The following PRAMEF2 variants were observed in gnomAD, a reference collection of about 807,000 sequenced individuals.
PRAMEF2 encodes PRAME family member 2.
A neutral mutation model predicts 38.0 loss-of-function variants in PRAMEF2; 35 were observed. That is an observed-to-expected ratio of 0.92 (90% CI 0.70 to 1.22). The LOEUF (loss-of-function observed/expected upper bound fraction) is 1.22. Among genes scored for constraint, PRAMEF2 ranks in the 50% most tolerant of loss-of-function variants. PRAMEF2 has a pLI of 0.00. For synonymous variants in PRAMEF2, 240 were observed against 232.4 expected (o/e 1.03, Z -0.30); for missense variants, 562 against 553.9 (o/e 1.01, Z -0.15).
intron 1 of PRAMEF2, among the ~76,000 whole-genome samples, chr1:12,858,414 G>T (rs1640481076): frequency 6.7e-6 from 1 of 150,082 alleles, no homozygotes; most frequent in Admixed American, 6.9e-5. Flanking sequence ...GTAGGCCCAG[G>T]CTGTTCTCGA....
intron 1 of PRAMEF2, among the ~76,000 whole-genome samples, chr1:12,857,682 T>A (rs1640470611): frequency 2.1e-5 from 3 of 142,296 alleles, no homozygotes; most frequent in African/African-American, 8.2e-5. Context: ...AATAGCATGG[T>A]AGCACTTTTA....
chr1:12,860,304 C>G (rs1262584018), intron 3 of PRAMEF2, 33 bp downstream of exon 3: 4 of 1,603,764 alleles, frequency 2.5e-6, no homozygotes, highest in African/African-American at 1.3e-5. Context: ...GTATGCAGAC[C>G]ACAGCACAGA....
intron 2 of PRAMEF2, among the ~76,000 whole-genome samples, 184 bp downstream of exon 2, chr1:12,859,480 A>G (rs1640504162): frequency 6.6e-6 from 1 of 151,014 alleles, no homozygotes; most frequent in South Asian, 2.1e-4. Context: ...TACAGGGTCC[A>G]CTGTGGGAAC....
chr1:12,861,169 A>G, intron 3 of PRAMEF2, 52 bp from the exon 4 acceptor site: 2 of 1,563,626 alleles, frequency 1.3e-6, no homozygotes, highest in East Asian at 4.5e-5. Context: ...ATTCCCCACT[A>G]CCTTCATCTA....
intron 1 of PRAMEF2, among the ~76,000 whole-genome samples, chr1:12,858,628 T>A (rs1195014074): frequency 2.7e-5 from 4 of 150,068 alleles, no homozygotes; most frequent in African/African-American, 9.8e-5. Context: ...CACGGGACAC[T>A]CTCATTCTCA....
chr1:12,859,074 C>T lies in PRAMEF2; in HGVS notation c.65C>T (p.Ala22Val). The T allele has an allele frequency of 6.2e-7, 1 of 1,604,636 alleles. No individual in the cohort carries two copies. ...LAGQSLLRDQ[A>V]LSISAMEELP... is the part of the protein sequence containing the mutation. ...GGGCAGAGCCTGCTGAGAGACCAGGCCTTGTCCATCTCTGCCATGGAGGAG... is the reference window on the plus strand; with the variant it reads ...GGGCAGAGCCTGCTGAGAGACCAGGTCTTGTCCATCTCTGCCATGGAGGAG... The change falls in exon 2 of 4, where the codon GCC becomes GTC. Residue 22 changes from alanine to valine, a missense_variant. Ala to Val is a moderately conservative substitution (Grantham distance 64). This residue lies in a region of PRAMEF2 where 486 missense variants were observed against 444.2 expected (regional missense o/e 1.09). Coordinates refer to ENST00000240189, the MANE Select transcript of PRAMEF2 (RefSeq NM_023014.1).
In PRAMEF2 at chr1:12,859,812, A is replaced by C. The variant is rs1640512975; in HGVS notation, c.407A>C (p.Glu136Ala). The change falls in exon 3 of 4, where the codon GAG (glutamate) becomes GCG (alanine). Residue 136 changes from glutamate (E) to alanine (A), a missense_variant. Glu to Ala is a moderately radical substitution (Grantham distance 107). This residue lies in a region of PRAMEF2 where 486 missense variants were observed against 444.2 expected (regional missense o/e 1.09). Coordinates refer to ENST00000240189, the MANE Select transcript of PRAMEF2 (RefSeq NM_023014.1). The stretch of plus-strand genomic sequence containing the variant: ...GCCATGAGTAAGAGGCAGACAGCAG[A>C]GGACTGTCCAAGGACGGGAGAGCAC... The part of the protein sequence containing the change: ...PEAMSKRQTA[E>A]DCPRTGEHQP... 1.9e-6 allele frequency: 3 copies of C among 1,607,514 alleles called. No individual in the cohort carries two copies. The highest frequency in any genetic ancestry group is 2.5e-6 in the Non-Finnish European group (3 of 1,177,986).
In PRAMEF2 at chr1:12,861,584, G is replaced by T. The variant is rs1426561013; in HGVS notation, c.1230G>T (p.Glu410Asp). The T allele has an allele frequency of 6.2e-7, 1 of 1,604,638 alleles. No individual in the cohort carries two copies. The highest frequency in any genetic ancestry group is 1.4e-5 in the African/African-American group (1 of 73,920). ...HTSGLSKLSL[E>D]TYPAPEESLN... ...GTGGGCTGAGCAAGTTAAGCCTGGA[G>T]ACGTATCCTGCCCCTGAGGAGAGTT... The change falls in exon 4 of 4, where the codon GAG becomes GAT. Residue 410 changes from glutamate (E) to aspartate (D), a missense_variant. Physicochemically the swap from Glu to Asp is conservative, Grantham distance 45. Transcript: ENST00000240189.
chr1:12,859,297 G>A lies in PRAMEF2; in HGVS notation c.287+1G>A. On this transcript the variant is annotated splice_donor_variant, in intron 2 of 3. Coordinates refer to ENST00000240189, the MANE Select transcript of PRAMEF2 (RefSeq NM_023014.1). LOFTEE classifies it high-confidence loss of function. The stretch of plus-strand genomic sequence containing the variant: ...TGCTTACACAGAAGGATCGCCCCAG[G>A]TGAGGTGACCCAGGAGGGCTAGTAG... 1 of 1,609,468 alleles carries A rather than the reference G, an allele frequency of 6.2e-7. No individual in the cohort carries two copies. The highest frequency in any genetic ancestry group is 8.5e-7 in the Non-Finnish European group (1 of 1,178,512).
Position 12,860,134 on chromosome 1 carries a change from T to C in PRAMEF2, c.729T>C (p.His243=). The C allele has an allele frequency of 6.2e-7, 1 of 1,606,822 alleles. No individual in the cohort carries two copies. The highest frequency in any genetic ancestry group is 8.5e-7 in the Non-Finnish European group (1 of 1,176,510). ...GCAAACTCGTTTTCTCCAGGTGCCATCATTACACGTCAGATAATGAACTCG... is the reference window on the plus strand; with the variant it reads ...GCAAACTCGTTTTCTCCAGGTGCCACCATTACACGTCAGATAATGAACTCG... The part of the protein sequence containing the change: ...TLCKLVFSRC[H]HYTSDNELEG... The change falls in exon 3 of 4, where the codon CAT becomes CAC. Residue 243 remains histidine, a synonymous_variant. Transcript: ENST00000240189.
In PRAMEF2 at chr1:12,860,116, C is replaced by T. The variant is rs368856223; in HGVS notation, c.711C>T (p.Leu237=). The change falls in exon 3 of 4, where the codon CTC becomes CTT. Residue 237 remains leucine (L), a synonymous_variant. Transcript: ENST00000240189. ...AGGAGATGAAGACTCTTTGCAAACT[C>T]GTTTTCTCCAGGTGCCATCATTACA... The part of the protein sequence containing the change: ...YLKEMKTLCK[L]VFSRCHHYTS... The T allele has an allele frequency of 1.2e-5, 20 of 1,606,568 alleles. 1 individual carries two copies. The highest frequency in any genetic ancestry group is 4.5e-5 in the East Asian group (2 of 44,700).
At chr1:12,861,060 C>A (rs878872505) in intron 3 of PRAMEF2, among the ~76,000 whole-genome samples, 161 bp from the exon 4 acceptor site, 1 of 148,740 alleles carries the variant, frequency 6.7e-6, no homozygotes, top group Non-Finnish European at 1.5e-5. Context: ...AGCCCCTGAA[C>A]GATCAGGGTC....
At position 12,860,218 on chromosome 1, in the gene PRAMEF2, G is replaced by A. The variant is rs1446074832; in HGVS notation, c.813G>A (p.Leu271=). The A allele has an allele frequency of 5.0e-6, 8 of 1,606,846 alleles. 1 individual carries two copies. Among genetic ancestry groups the A allele is most frequent in the Non-Finnish European group, 6.8e-6 (8 of 1,176,666 alleles). The change falls in exon 3 of 4, where the codon TTG becomes TTA. Residue 271 remains leucine, a synonymous_variant. Transcript: ENST00000240189. ...TCCTCAGGCTGGAACACCTCCAGTT[G>A]CTTAAAATAAAATTGATCACCTTCT... ...SVFLRLEHLQ[L]LKIKLITFFS...
In PRAMEF2 at chr1:12,860,114, C is replaced by T. The variant is rs769089458; in HGVS notation, c.709C>T (p.Leu237Phe). 4.4e-6 allele frequency: 7 copies of T among 1,606,578 alleles called. 1 individual carries two copies. The highest frequency in any genetic ancestry group is 4.0e-5 in the African/African-American group (3 of 74,272). ...GAAGGAGATGAAGACTCTTTGCAAACTCGTTTTCTCCAGGTGCCATCATTA... is the reference window on the plus strand; with the variant it reads ...GAAGGAGATGAAGACTCTTTGCAAATTCGTTTTCTCCAGGTGCCATCATTA... Reference protein sequence around the residue: ...YLKEMKTLCKLVFSRCHHYTS... With the variant: ...YLKEMKTLCKFVFSRCHHYTS... The change falls in exon 3 of 4, where the codon CTC becomes TTC. Residue 237 changes from leucine (L) to phenylalanine (F), a missense_variant. Leu to Phe is a conservative substitution (Grantham distance 22). Transcript: ENST00000240189.
chr1:12,860,095 G>C lies in PRAMEF2; in HGVS notation c.690G>C (p.Glu230Asp), dbSNP rs572753163. The C allele has an allele frequency of 1.2e-6, 2 of 1,606,734 alleles. No homozygotes were observed. The highest frequency in any genetic ancestry group is 1.3e-5 in the African/African-American group (1 of 74,408). ...LIRKLYCYLK[E>D]MKTLCKLVFS... ...GAAAGCTTTATTGTTACCTGAAGGA[G>C]ATGAAGACTCTTTGCAAACTCGTTT... is the stretch of plus-strand genomic sequence containing the variant. The change falls in exon 3 of 4, where the codon GAG (glutamate) becomes GAC (aspartate). Residue 230 changes from glutamate to aspartate, a missense_variant. Physicochemically the swap from Glu to Asp is conservative, Grantham distance 45. Coordinates refer to ENST00000240189, the MANE Select transcript of PRAMEF2 (RefSeq NM_023014.1).
At chr1:12,859,523 G>T (rs1369524655) in intron 2 of PRAMEF2, among the ~76,000 whole-genome samples, 170 bp from the exon 3 acceptor site, 1 of 151,154 alleles carries the variant, frequency 6.6e-6, no homozygotes, top group Non-Finnish European at 1.5e-5. Context: ...GAAGGTAAAG[G>T]GAATAGAAGT....
Position 12,859,993 on chromosome 1 carries a change from A to G in PRAMEF2, c.588A>G (p.Arg196=). Residue 196 remains arginine (R), a synonymous_variant, in exon 3 of 4, where the codon AGA becomes AGG. Coordinates refer to ENST00000240189, the MANE Select transcript of PRAMEF2 (RefSeq NM_023014.1). The part of the protein sequence containing the change: ...VNYLTPIKYL[R]KSLKIIYINS... ...ATCTAACGCCAATTAAATATCTCAGAAAGTCATTGAAAATAATATACATTA... is the reference window on the plus strand; with the variant it reads ...ATCTAACGCCAATTAAATATCTCAGGAAGTCATTGAAAATAATATACATTA... The G allele has an allele frequency of 6.2e-7, 1 of 1,607,636 alleles. No homozygotes were observed. The highest frequency in any genetic ancestry group is 2.2e-5 in the East Asian group (1 of 44,718).
intron 3 of PRAMEF2, among the ~76,000 whole-genome samples, chr1:12,860,842 T>G (rs1357745687): frequency 2.7e-5 from 4 of 150,068 alleles, no homozygotes. Flanking sequence ...GATGCAGGCA[T>G]GTCAGGGAGC....
intron 1 of PRAMEF2, among the ~76,000 whole-genome samples, chr1:12,857,562 T>C (rs1640468884): frequency 7.1e-6 from 1 of 141,038 alleles, no homozygotes; most frequent in Non-Finnish European, 1.5e-5. Context: ...TTTGCTCAGA[T>C]TGTGGGATTT....
Sources: gnomAD v4.1 joint callset for allele counts (sites outside exome capture counted in the v4.1 genomes callset) on GRCh38, gnomAD v4.1.1 for gene constraint, gnomAD v4.1.1 regional missense constraint, MANE v1.5 for transcripts, NCBI Gene and HGNC (gene_info 2026-07-23, HGNC 2026-07-21) for gene names.